The following DAG1 variants were observed in gnomAD, a reference collection of about 807,000 sequenced individuals.
The protein encoded by DAG1 is dystroglycan 1.
DAG1 carries 8 observed loss-of-function variants against 46.1 expected under a neutral mutation model. That is an observed-to-expected ratio of 0.17 (90% confidence interval 0.10 to 0.31). The LOEUF is 0.31. Ranked by LOEUF, DAG1 falls within the 10% of genes least tolerant of loss-of-function variation. The pLI, the probability that DAG1 is intolerant of heterozygous loss-of-function variation, is 1.00. For synonymous variants in DAG1, 495 were observed against 481.8 expected (o/e 1.03, Z -0.36); for missense variants, 1,003 against 1,189.9 (o/e 0.84, Z 2.31).
chr3:49,533,404 T>C lies in DAG1; in HGVS notation c.*205T>C. On this transcript the variant is annotated 3_prime_UTR_variant, in exon 3 of 3. Transcript: ENST00000308775. ...GCTGGAGAGACTTTGGGGACTTTTT[T>C]ATTTTTATTTTTTGCCTAACAGCTT... is the stretch of plus-strand genomic sequence containing the variant. The C allele has an allele frequency of 3.8e-6, 3 of 783,542 alleles. No individual in the cohort carries two copies. The highest frequency in any genetic ancestry group is 6.5e-6 in the Non-Finnish European group (3 of 460,420). The allele number at this position is 783,542 out of a possible 1,614,324, so 48.5% of individuals were successfully genotyped here.
rs559359200 is a variant in DAG1 at position 49,533,269 on chromosome 3, C to G, written c.*70C>G. ...GACGACATGGTGTTGTCTGTGGAGACCGGTGGCCTGCAGACCATTGCCCAC... is the reference window on the plus strand; with the variant it reads ...GACGACATGGTGTTGTCTGTGGAGAGCGGTGGCCTGCAGACCATTGCCCAC... On this transcript the variant is annotated 3_prime_UTR_variant, in exon 3 of 3. Transcript: ENST00000308775. The G allele has an allele frequency of 4.3e-5, 68 of 1,590,328 alleles. No homozygotes were observed. The East Asian group carries it at 1.5e-3, about 35-fold the overall frequency.
chr3:49,530,448 G>A (rs1012707711), intron 2 of DAG1, among the ~76,000 whole-genome samples: 1 of 152,164 alleles, frequency 6.6e-6, no homozygotes, highest in African/African-American at 2.4e-5. Context: ...GGTAGAATGG[G>A]CAAGTAGGTG....
chr3:49,469,657 G>A (rs2049454571), upstream of DAG1, among the ~76,000 whole-genome samples: 1 of 152,204 alleles, frequency 6.6e-6, no homozygotes, highest in African/African-American at 2.4e-5. Context: ...GGCTCTAGGA[G>A]ATGAGCTAGC....
intron 2 of DAG1, among the ~76,000 whole-genome samples, chr3:49,528,275 A>ATTGTTTTTTTTTTTTTTTTTT (rs2051239378): frequency 1.5e-5 from 1 of 66,660 alleles, no homozygotes; most frequent in African/African-American, 6.9e-5. Flanking sequence ...AAATAGTGTG[A>ATTGTTTTTTTTTTTTTTTTTT]TTTTTTTTTT....
intron 2 of DAG1, among the ~76,000 whole-genome samples, chr3:49,527,310 C>G (rs1020705361): frequency 2.6e-5 from 4 of 151,408 alleles, no homozygotes; most frequent in East Asian, 3.9e-4. Flanking sequence ...GGATCACGAG[C>G]TCAGGAGATC....
rs549011489 is a variant in DAG1, at chr3:49,517,124, G to C, written c.285+6305G>C. Among the ~76,000 whole-genome samples the C allele has an allele frequency of 3.2e-4, 49 of 151,782 alleles. No individual in the cohort carries two copies. In the East Asian group the frequency reaches 3.5e-3, roughly 11 times the overall value. On this transcript the variant is annotated intron_variant, in intron 2 of 2. Coordinates refer to ENST00000308775, the MANE Select transcript of DAG1 (RefSeq NM_004393.6). ...TTCTCCTGCCTCAGCCTCCTGAGTA[G>C]CTGGGACTACAGGTGCCTGCTACCA... is the stretch of plus-strand genomic sequence containing the variant.
chr3:49,490,072 G>T (rs2050140905), intron 1 of DAG1, among the ~76,000 whole-genome samples: 1 of 152,006 alleles, frequency 6.6e-6, no homozygotes, highest in African/African-American at 2.4e-5. Context: ...TTTCCATTTT[G>T]GCTGGGCGCG....
intron 1 of DAG1, among the ~76,000 whole-genome samples, chr3:49,495,106 TG>T (rs1200078805): frequency 2.6e-5 from 4 of 152,114 alleles, no homozygotes; most frequent in African/African-American, 9.7e-5. Flanking sequence ...AGGGAACCAT[TG>T]GCATCCAGCC....
intron 2 of DAG1, among the ~76,000 whole-genome samples, chr3:49,522,760 C>T (rs2051067756): frequency 6.6e-6 from 1 of 152,188 alleles, no homozygotes; most frequent in South Asian, 2.1e-4. Flanking sequence ...ATCTCAGAAG[C>T]ACATCGTCTC....
chr3:49,524,344 G>C (rs1310898441), intron 2 of DAG1, among the ~76,000 whole-genome samples: 1 of 152,134 alleles, frequency 6.6e-6, no homozygotes, highest in East Asian at 1.9e-4. Context: ...GTTCCTTGTG[G>C]AAATTAGGTT....
At chr3:49,522,975 G>T (rs1273859885) in intron 2 of DAG1, among the ~76,000 whole-genome samples, 1 of 152,188 alleles carries the variant, frequency 6.6e-6, no homozygotes. Flanking sequence ...TTGGTGTTTG[G>T]TGTTGGCTGG....
intron 1 of DAG1, among the ~76,000 whole-genome samples, chr3:49,479,156 T>C (rs2049788639): frequency 6.6e-6 from 1 of 151,916 alleles, no homozygotes; most frequent in Non-Finnish European, 1.5e-5. Context: ...GATTAAAAGT[T>C]CAAAAGGGTT....
intron 1 of DAG1, among the ~76,000 whole-genome samples, chr3:49,482,930 A>G (rs909132521): frequency 6.6e-6 from 1 of 152,162 alleles, no homozygotes; most frequent in Non-Finnish European, 1.5e-5. Flanking sequence ...GAAGTGAACC[A>G]GTTCTGCCTT....
In DAG1 at chr3:49,482,726, G is replaced by T. The variant is rs566053329; in HGVS notation, c.-117+12293G>T. Among the ~76,000 whole-genome samples the T allele has an allele frequency of 5.3e-5, 8 of 152,218 alleles. No homozygotes were observed. The South Asian group carries it at 1.7e-3, about 32-fold the overall frequency. ...AGCACTTGTGGATTTTGATATCCTG[G>T]AACCAATCCCTCATGGATACCGAGG... On this transcript the variant is annotated intron_variant, in intron 1 of 2. Transcript: ENST00000308775.
intron 2 of DAG1, among the ~76,000 whole-genome samples, chr3:49,514,899 G>T (rs1001767100): frequency 6.6e-6 from 1 of 151,284 alleles, no homozygotes; most frequent in Non-Finnish European, 1.5e-5. Flanking sequence ...TTGCTCTTTC[G>T]TCCAGGCTGG....
intron 2 of DAG1, among the ~76,000 whole-genome samples, chr3:49,526,087 G>C (rs1457830276): frequency 6.6e-6 from 1 of 152,182 alleles, no homozygotes; most frequent in Non-Finnish European, 1.5e-5. Context: ...CTGAACTCAA[G>C]TGATCCACCC....
rs1413421649 is a variant in DAG1, at chr3:49,532,147, G to T, written c.1636G>T (p.Val546Leu). ...CCTGAAACTGCGGGAGCAGCAGCTG[G>T]TGGGCGAGAAGTCCTGGGTACAGTT... ...LTLKLREQQL[V>L]GEKSWVQFNS... Residue 546 changes from valine (V) to leucine (L), a missense_variant, in exon 3 of 3, where the codon GTG (valine) becomes TTG (leucine). Around this residue, in one of 3 missense-constraint regions of DAG1, gnomAD observed 755 missense variants for 854.1 expected, o/e 0.88. Transcript: ENST00000308775. The surrounding 1 kb of genome is among the most constrained non-coding windows in gnomAD (Gnocchi z 5.4). The T allele has an allele frequency of 1.2e-6, 2 of 1,614,260 alleles. No individual in the cohort carries two copies. The highest frequency in any genetic ancestry group is 1.7e-6 in the Non-Finnish European group (2 of 1,180,054).
intron 1 of DAG1, among the ~76,000 whole-genome samples, chr3:49,496,438 A>G (rs1339330650): frequency 2.8e-5 from 4 of 145,328 alleles, no homozygotes; most frequent in African/African-American, 1.0e-4. Flanking sequence ...GCTCACCACA[A>G]CCTCCACCTC....
At chr3:49,471,521 T>C (rs1575327618) in intron 1 of DAG1, among the ~76,000 whole-genome samples, 1 of 151,776 alleles carries the variant, frequency 6.6e-6, no homozygotes, top group Admixed American at 6.6e-5. Flanking sequence ...TGGAGAAGTT[T>C]AGTTGAACTT....
Sources: allele counts gnomAD v4.1 joint callset (sites outside exome capture counted in the v4.1 genomes callset), GRCh38; gene constraint gnomAD v4.1.1; regional missense constraint gnomAD v4.1.1; non-coding constraint Gnocchi (gnomAD v3.1); transcripts MANE v1.5; gene names NCBI Gene and HGNC (gene_info 2026-07-23, HGNC 2026-07-21).